Variants in IGF1R observed in about 807,000 individuals in gnomAD.
IGF1R encodes the protein insulin-like growth factor 1 receptor.
IGF1R carries 44 observed loss-of-function variants against 144.6 expected under a neutral mutation model. That is an observed-to-expected ratio of 0.30 (90% confidence interval 0.24 to 0.39). The LOEUF (loss-of-function observed/expected upper bound fraction) is 0.39. IGF1R is among the 10% of genes least tolerant of loss of function. The pLI is 1.00. For synonymous variants in IGF1R, 795 were observed against 722.8 expected (o/e 1.10, Z -1.60); for missense variants, 1,355 against 1,833.7 (o/e 0.74, Z 4.77).
chr15:98,858,294 G>T (rs1255812769), intron 2 of IGF1R, among the ~76,000 whole-genome samples: 1 of 151,492 alleles, frequency 6.6e-6, no homozygotes, highest in African/African-American at 2.4e-5. Flanking sequence ...CCCCCGCTTC[G>T]TTGTTTCCTC....
chr15:98,795,805 T>C (rs2056228590), intron 2 of IGF1R, among the ~76,000 whole-genome samples: 1 of 152,238 alleles, frequency 6.6e-6, no homozygotes, highest in African/African-American at 2.4e-5. Context: ...ACATGCGACA[T>C]GCCATGCATG....
intron 2 of IGF1R, among the ~76,000 whole-genome samples, chr15:98,771,466 C>T (rs570356473): frequency 2.4e-4 from 37 of 152,128 alleles, no homozygotes; most frequent in South Asian, 2.3e-3. Flanking sequence ...CACATGTGGA[C>T]GTATTTGAGG....
At chr15:98,699,574 G>A (rs902661283) in intron 1 of IGF1R, among the ~76,000 whole-genome samples, 2 of 152,156 alleles carry the variant, frequency 1.3e-5, no homozygotes. Flanking sequence ...CACCAATTCT[G>A]CGCCAGTCTG....
At chr15:98,662,651 G>T (rs1043973924) in intron 1 of IGF1R, among the ~76,000 whole-genome samples, 3 of 152,156 alleles carry the variant, frequency 2.0e-5, no homozygotes, top group Non-Finnish European at 4.4e-5. Context: ...TGAGTTTAGT[G>T]CTAAGTTATG....
At chr15:98,777,151 G>T (rs1490667448) in intron 2 of IGF1R, among the ~76,000 whole-genome samples, 2 of 152,200 alleles carry the variant, frequency 1.3e-5, no homozygotes, top group South Asian at 2.1e-4. Context: ...AGCGGCAGGG[G>T]GCCAGGCAGG....
intron 5 of IGF1R, among the ~76,000 whole-genome samples, chr15:98,901,388 C>A (rs2014475127): frequency 6.6e-6 from 1 of 152,192 alleles, no homozygotes; most frequent in Non-Finnish European, 1.5e-5. Flanking sequence ...TCTTTTACCT[C>A]CCGATGGGAA....
At chr15:98,656,375 C>T (rs2052484688) in intron 1 of IGF1R, among the ~76,000 whole-genome samples, 1 of 152,150 alleles carries the variant, frequency 6.6e-6, no homozygotes, top group Non-Finnish European at 1.5e-5. Flanking sequence ...CATGGTGCAC[C>T]CCCTTTCTAC....
chr15:98,915,666 A>AT (rs1567196437), intron 8 of IGF1R, among the ~76,000 whole-genome samples: 1 of 152,162 alleles, frequency 6.6e-6, no homozygotes, highest in African/African-American at 2.4e-5. Flanking sequence ...TTAGCTGTAG[A>AT]TTTTCACATT....
At chr15:98,799,000 A>T (rs1006591720) in intron 2 of IGF1R, among the ~76,000 whole-genome samples, 1 of 152,154 alleles carries the variant, frequency 6.6e-6, no homozygotes, top group African/African-American at 2.4e-5. Context: ...GTTAGGGACA[A>T]ACTTGACAGA....
At chr15:98,708,220 T>C in intron 2 of IGF1R, 113 bp downstream of exon 2, 1 of 948,562 alleles carries the variant, frequency 1.1e-6, no homozygotes, top group Non-Finnish European at 1.7e-6. Flanking sequence ...TGCAGTCGTG[T>C]TGCATTTAGG....
intron 2 of IGF1R, among the ~76,000 whole-genome samples, chr15:98,715,590 G>A (rs2054094686): frequency 6.6e-6 from 1 of 152,194 alleles, no homozygotes; most frequent in Admixed American, 6.5e-5. Flanking sequence ...GCAGAGTGGG[G>A]ATGACGTGGA....
Position 98,935,248 on chromosome 15 carries a change from C to T in IGF1R, c.3187-68C>T, listed in dbSNP as rs1294772724. 5.4e-6 allele frequency: 6 copies of T among 1,117,462 alleles called. No individual in the cohort carries two copies. The highest frequency in any genetic ancestry group is 7.9e-6 in the Non-Finnish European group (6 of 760,544). The allele number at this position is 1,117,462 out of a possible 1,614,324, so 69.2% of individuals were successfully genotyped here. On this transcript the variant is annotated intron_variant, in intron 16 of 20. Coordinates refer to ENST00000650285, the MANE Select transcript of IGF1R (RefSeq NM_000875.5). The surrounding 1 kb of genome is among the most constrained non-coding windows in gnomAD (Gnocchi z 4.2). The stretch of plus-strand genomic sequence containing the variant: ...AGGCCGCAGCACCACAGAGACAGTT[C>T]CAGACAACACAGGCATCAGCAAGGG...
rs536421468 is a variant in IGF1R at position 98,838,333 on chromosome 15, C to A, written c.641-52992C>A. 6.6e-5 allele frequency among the ~76,000 whole-genome samples: 10 copies of A among 152,294 alleles called. No individual in the cohort carries two copies. In the East Asian group the frequency reaches 1.7e-3, roughly 26 times the overall value. On this transcript the variant is annotated intron_variant, in intron 2 of 20. Coordinates refer to ENST00000650285, the MANE Select transcript of IGF1R (RefSeq NM_000875.5). Reference sequence around the variant, plus strand: ...ATGACATCTGCATCCTTCATGTAAACCCATAAAAAATAGCACGTGACCCTG... The same window carrying A: ...ATGACATCTGCATCCTTCATGTAAAACCATAAAAAATAGCACGTGACCCTG...
chr15:98,656,641 T>C (rs1166968857), intron 1 of IGF1R, among the ~76,000 whole-genome samples: 2 of 152,168 alleles, frequency 1.3e-5, no homozygotes, highest in African/African-American at 2.4e-5. Context: ...TTAAAGACTT[T>C]AGAAAGTAGT....
In IGF1R at chr15:98,935,561, G is replaced by C. The variant is rs2016110450; in HGVS notation, c.3297+135G>C. On this transcript the variant is annotated intron_variant, in intron 17 of 20. Transcript: ENST00000650285. This position sits in a 1 kb window ranked among gnomAD's most constrained non-coding sequence, Gnocchi z 4.2. ...TCCAGTGTTTCTTACTGCATGCTCA[G>C]TTGTAGGTCATTTATGCAAAGGATT... The C allele has an allele frequency of 2.8e-6, 2 of 717,466 alleles. No homozygotes were observed. The highest frequency in any genetic ancestry group is 4.0e-5 in the Admixed American group (2 of 49,830). 44.4% of individuals were successfully genotyped at this position (717,466 alleles called of 1,614,324 possible). A position where few individuals can be genotyped will look rare whatever the true frequency, so the allele number is the denominator to read the frequency against.
chr15:98,852,441 C>A (rs1319380617), intron 2 of IGF1R, among the ~76,000 whole-genome samples: 2 of 152,240 alleles, frequency 1.3e-5, no homozygotes, highest in Admixed American at 6.5e-5. Flanking sequence ...GCCGGCCAAT[C>A]GCTGCGTTGG....
Position 98,961,422 on chromosome 15 carries a change from C to T in IGF1R, c.*3980C>T, listed in dbSNP as rs2017221180. On this transcript the variant is annotated 3_prime_UTR_variant, in exon 21 of 21. Transcript: ENST00000650285. ...CACCTCAATAAAAGAGAAAACTTGG[C>T]TTGTGTGATGGTGCAGTCACTTTAC... 1 of 233,486 alleles carries T rather than the reference C, an allele frequency of 4.3e-6. No individual in the cohort carries two copies. The allele number at this position is 233,486 out of a possible 1,614,324, so 14.5% of individuals were successfully genotyped here.
chr15:98,656,309 G>C (rs962720413), intron 1 of IGF1R, among the ~76,000 whole-genome samples: 2 of 152,200 alleles, frequency 1.3e-5, no homozygotes, highest in Non-Finnish European at 2.9e-5. Flanking sequence ...CAGCACTTTG[G>C]GAGGCCAAGG....
At position 98,917,535 on chromosome 15, in the gene IGF1R, A is replaced by G. The variant is rs1293164079; in HGVS notation, c.2201+659A>G. ...AGTGGGGACAAAAGCAGAGGAAAGT[A>G]AACGTTCATAGCAGGACTGTTCATA... On this transcript the variant is annotated intron_variant, in intron 10 of 20. Transcript: ENST00000650285. Among the ~76,000 whole-genome samples the G allele has an allele frequency of 2.0e-5, 3 of 152,262 alleles. No individual in the cohort carries two copies. The East Asian group carries it at 5.8e-4, about 29-fold the overall frequency.
Sources: allele counts gnomAD v4.1 joint callset (sites outside exome capture counted in the v4.1 genomes callset), GRCh38; gene constraint gnomAD v4.1.1; non-coding constraint Gnocchi (gnomAD v3.1); transcripts MANE v1.5; gene names NCBI Gene and HGNC (gene_info 2026-07-23, HGNC 2026-07-21).